Variants in OTOL1 observed in about 807,000 individuals in gnomAD.
The protein encoded by OTOL1 is otolin 1, also known as otolin-1.
In OTOL1, 31 loss-of-function variants were observed where a neutral mutation model predicts 25.0. The observed-to-expected ratio is 1.24, with a 90% CI of 0.93 to 1.67. The LOEUF is 1.67. Ranked by LOEUF, OTOL1 falls within the 40% of genes most tolerant of loss-of-function variation. OTOL1 has a pLI of 0.00. For missense variants in OTOL1, 654 were observed against 587.7 expected, an observed-to-expected ratio of 1.11 and a Z score of -1.17; for synonymous variants, 225 against 210.3, an observed-to-expected ratio of 1.07 and a Z score of -0.61.
chr3:161,498,764 C>T (rs1576945730), intron 1 of OTOL1, among the ~76,000 whole-genome samples: 1 of 152,010 alleles, frequency 6.6e-6, no homozygotes, highest in African/African-American at 2.4e-5. Flanking sequence ...GTATAGGATG[C>T]CTCAGAAATA....
intron 3 of OTOL1, 40 bp downstream of exon 3, chr3:161,502,409 G>C (rs377763520): frequency 6.7e-7 from 1 of 1,497,978 alleles, no homozygotes; most frequent in Non-Finnish European, 9.3e-7. Context: ...AGTCAGGTGC[G>C]CAGTATAGCC....
chr3:161,503,490 C>T lies in OTOL1; in HGVS notation c.982C>T (p.Arg328Trp), dbSNP rs577393901. ...VRGPTGKKGS[R>W]GFKGSKGELA... ...AGGCCCCACTGGGAAGAAGGGCTCT[C>T]GGGGCTTTAAAGGCTCCAAGGGTGA... The change falls in exon 4 of 4, where the codon CGG becomes TGG. Residue 328 changes from arginine (R) to tryptophan (W), a missense_variant. Coordinates refer to ENST00000327928, the MANE Select transcript of OTOL1 (RefSeq NM_001080440.1). 2.1e-4 allele frequency: 343 copies of T among 1,613,418 alleles called. 1 individual carries two copies. The highest frequency in any genetic ancestry group is 1.5e-3 in the South Asian group (137 of 91,026).
intron 3 of OTOL1, 54 bp from the exon 4 acceptor site, chr3:161,502,971 CA>C: frequency 4.1e-6 from 5 of 1,230,986 alleles, no homozygotes; most frequent in Non-Finnish European, 5.2e-6. Context: ...GTGGTAATAG[CA>C]TGCTGTTTAT....
At position 161,503,090 on chromosome 3, in the gene OTOL1, C is replaced by T. The variant is rs375785804; in HGVS notation, c.582C>T (p.Gly194=). The change falls in exon 4 of 4, where the codon GGC becomes GGT. Residue 194 remains glycine (G), a synonymous_variant. Coordinates refer to ENST00000327928, the MANE Select transcript of OTOL1 (RefSeq NM_001080440.1). ...TGGGAGGAGTGAAAGGACAAAAAGG[C>T]TCCAAGGGAGACACATGTGGGAATT... is the stretch of plus-strand genomic sequence containing the variant. ...IGLGGVKGQK[G]SKGDTCGNCT... 17 of 1,414,924 alleles carry T rather than the reference C, an allele frequency of 1.2e-5. No individual in the cohort carries two copies. The African/African-American group carries it at 2.4e-4, about 20-fold the overall frequency. The allele number at this position is 1,414,924 out of a possible 1,614,324, so 87.6% of individuals were successfully genotyped here.
Position 161,503,260 on chromosome 3 carries a change from G to A in OTOL1, c.752G>A (p.Gly251Glu). The A allele has an allele frequency of 7.3e-7, 1 of 1,368,894 alleles. No homozygotes were observed. Among genetic ancestry groups the A allele is most frequent in the Non-Finnish European group, 9.5e-7 (1 of 1,051,382 alleles). The allele number at this position is 1,368,894 out of a possible 1,614,324, so 84.8% of individuals were successfully genotyped here. Residue 251 changes from glycine (G) to glutamate (E), a missense_variant, in exon 4 of 4, where the codon GGA (glycine) becomes GAA (glutamate). Coordinates refer to ENST00000327928, the MANE Select transcript of OTOL1 (RefSeq NM_001080440.1). ...TGCTGTGGAGATTCTGGGGAGAGGG[G>A]AGGAAAAGGACAGAAAGGTGAGGGG... Reference protein sequence around the residue: ...KGCCGDSGERGGKGQKGEGGM... With the variant: ...KGCCGDSGEREGKGQKGEGGM...
chr3:161,503,080 G>T lies in OTOL1; in HGVS notation c.572G>T (p.Gly191Val), dbSNP rs749402140. The T allele has an allele frequency of 3.6e-6, 5 of 1,399,470 alleles. No homozygotes were observed. The highest frequency in any genetic ancestry group is 3.7e-4 in the Middle Eastern group (2 of 5,340). The allele number at this position is 1,399,470 out of a possible 1,614,324, so 86.7% of individuals were successfully genotyped here. A position where few individuals can be genotyped will look rare whatever the true frequency, so the allele number is the denominator to read the frequency against. The change falls in exon 4 of 4, where the codon GGA (glycine) becomes GTA (valine). Residue 191 changes from glycine to valine, a missense_variant. By Grantham distance (109) the Gly-to-Val change is moderately radical. Transcript: ENST00000327928. ...AACATTGGTTTGGGAGGAGTGAAAG[G>T]ACAAAAAGGCTCCAAGGGAGACACA... is the stretch of plus-strand genomic sequence containing the variant. ...KGNIGLGGVK[G>V]QKGSKGDTCG...
Position 161,503,323 on chromosome 3 carries a change from G to T in OTOL1, c.815G>T (p.Gly272Val), listed in dbSNP as rs1488057845. ...GAAAAAGGTAGCAAAGGAGACAGTG[G>T]AATGGAAGGCAAAAGCGGCCGTAAT... is the stretch of plus-strand genomic sequence containing the variant. Reference protein sequence around the residue: ...KGEKGSKGDSGMEGKSGRNGL... With the variant: ...KGEKGSKGDSVMEGKSGRNGL... Residue 272 changes from glycine to valine, a missense_variant, in exon 4 of 4, where the codon GGA (glycine) becomes GTA (valine). By Grantham distance (109) the Gly-to-Val change is moderately radical (BLOSUM62 -3). Transcript: ENST00000327928. 6 of 1,561,598 alleles carry T rather than the reference G, an allele frequency of 3.8e-6. No homozygotes were observed. Among genetic ancestry groups the T allele is most frequent in the South Asian group, 2.4e-5 (2 of 83,222 alleles).
chr3:161,499,409 T>G, intron 2 of OTOL1, 149 bp downstream of exon 2: 1 of 668,760 alleles, frequency 1.5e-6, no homozygotes, highest in Admixed American at 3.2e-5. Flanking sequence ...GATATAAATA[T>G]GTTAACTTTA....
At chr3:161,500,391 A>T (rs1718946750) in intron 2 of OTOL1, among the ~76,000 whole-genome samples, 1 of 152,196 alleles carries the variant, frequency 6.6e-6, no homozygotes, top group Non-Finnish European at 1.5e-5. Context: ...TGGAAGCTAG[A>T]CTTCTGGAAA....
chr3:161,502,080 C>G (rs1039483455), intron 2 of OTOL1, among the ~76,000 whole-genome samples: 9 of 152,176 alleles, frequency 5.9e-5, no homozygotes, highest in Non-Finnish European at 2.9e-5. Context: ...GTTGGCCAGG[C>G]TGGCCTGGAA....
chr3:161,503,242 G>C lies in OTOL1; in HGVS notation c.734G>C (p.Gly245Ala). 1.4e-6 allele frequency: 2 copies of C among 1,455,656 alleles called. No homozygotes were observed. Among genetic ancestry groups the C allele is most frequent in the Non-Finnish European group, 1.8e-6 (2 of 1,103,708 alleles). The allele number at this position is 1,455,656 out of a possible 1,614,324, so 90.2% of individuals were successfully genotyped here. A position where few individuals can be genotyped will look rare whatever the true frequency, so the allele number is the denominator to read the frequency against. Reference sequence around the variant, plus strand: ...GAGATGGGGGATAAGGGCTGCTGTGGAGATTCTGGGGAGAGGGGAGGAAAA... The same window carrying C: ...GAGATGGGGGATAAGGGCTGCTGTGCAGATTCTGGGGAGAGGGGAGGAAAA... ...KGEMGDKGCC[G>A]DSGERGGKGQ... Residue 245 changes from glycine (G) to alanine (A), a missense_variant, in exon 4 of 4, where the codon GGA becomes GCA. Transcript: ENST00000327928.
rs758623632 is a variant in OTOL1 at position 161,503,912 on chromosome 3, C to T, written c.1404C>T (p.Tyr468=). ...DDSIFTGFLL[Y]PEETSGISP The stretch of plus-strand genomic sequence containing the variant: ...GCATTTTTACTGGGTTCCTTTTGTA[C>T]CCAGAGGAAACTTCTGGAATTTCAC... The change falls in exon 4 of 4, where the codon TAC becomes TAT. Residue 468 remains tyrosine (Y), a synonymous_variant. Coordinates refer to ENST00000327928, the MANE Select transcript of OTOL1 (RefSeq NM_001080440.1). The T allele has an allele frequency of 2.4e-5, 39 of 1,612,746 alleles. 1 individual carries two copies. In the South Asian group the frequency reaches 3.4e-4, roughly 14 times the overall value.
rs755202865 is a variant in OTOL1 at position 161,503,431 on chromosome 3, G to T, written c.923G>T (p.Gly308Val). 37 of 1,613,334 alleles carry T rather than the reference G, an allele frequency of 2.3e-5. No individual in the cohort carries two copies. The highest frequency in any genetic ancestry group is 3.1e-5 in the Non-Finnish European group (37 of 1,179,638). The change falls in exon 4 of 4, where the codon GGG (glycine) becomes GTG (valine). Residue 308 changes from glycine to valine, a missense_variant. Transcript: ENST00000327928. ...CCTCCTGGTCTCCTGGGACCTACTG[G>T]GCCGAAGGGTGACATTGGCAACAAA... is the stretch of plus-strand genomic sequence containing the variant. ...LGPPGLLGPT[G>V]PKGDIGNKGV...
At position 161,499,210 on chromosome 3, in the gene OTOL1, C is replaced by T. The variant is rs1252496193; in HGVS notation, c.404C>T (p.Pro135Leu). 4.3e-6 allele frequency: 7 copies of T among 1,611,580 alleles called. No individual in the cohort carries two copies. The South Asian group carries it at 5.5e-5, about 13-fold the overall frequency. ...GCTGGAAATTTGGGGATCCCAGGGC[C>T]ACCAGGAGTTGTTGGGCCCCAAGGC... ...GEAGNLGIPG[P>L]PGVVGPQGPR... The change falls in exon 2 of 4, where the codon CCA becomes CTA. Residue 135 changes from proline to leucine, a missense_variant. Coordinates refer to ENST00000327928, the MANE Select transcript of OTOL1 (RefSeq NM_001080440.1).
chr3:161,501,274 TA>T (rs900461609), intron 2 of OTOL1, among the ~76,000 whole-genome samples: 1 of 151,726 alleles, frequency 6.6e-6, no homozygotes, highest in South Asian at 2.1e-4. Flanking sequence ...CTGGATTAAG[TA>T]AAAAAAAGGT....
intron 3 of OTOL1, 104 bp downstream of exon 3, chr3:161,502,473 A>G (rs971419877): frequency 5.4e-5 from 52 of 964,848 alleles, no homozygotes; most frequent in Non-Finnish European, 4.2e-5. Flanking sequence ...AGCTGAAAAT[A>G]CAAATTACTG....
intron 2 of OTOL1, among the ~76,000 whole-genome samples, chr3:161,500,648 G>A (rs1718953594): frequency 6.6e-6 from 1 of 152,132 alleles, no homozygotes; most frequent in East Asian, 1.9e-4. Flanking sequence ...AAACTCTTTC[G>A]AGGAATTCAA....
Position 161,503,394 on chromosome 3 carries a change from G to T in OTOL1, c.886G>T (p.Gly296Ter). The T allele has an allele frequency of 6.2e-7, 1 of 1,609,994 alleles. No individual in the cohort carries two copies. Among genetic ancestry groups the T allele is most frequent in the Non-Finnish European group, 8.5e-7 (1 of 1,177,970 alleles). The stretch of plus-strand genomic sequence containing the variant: ...TGATCCAGGGATTAAAGGAGAAAAA[G>T]GAGAGTTAGGTCCTCCTGGTCTCCT... ...KGDPGIKGEK[G>*]ELGPPGLLGP... Residue 296 changes from glycine to a stop codon, truncating the protein, a stop_gained, in exon 4 of 4, where the codon GGA becomes TGA. Coordinates refer to ENST00000327928, the MANE Select transcript of OTOL1 (RefSeq NM_001080440.1). LOFTEE classifies it low-confidence loss of function (END_TRUNC).
Position 161,503,682 on chromosome 3 carries a change from T to C in OTOL1, c.1174T>C (p.Tyr392His). The part of the protein sequence containing the change: ...CSIPGTYVFS[Y>H]HITVRGRPAR... ...TATTCCTGGGACATATGTTTTTTCC[T>C]ACCATATTACGGTGAGGGGGCGACC... The change falls in exon 4 of 4, where the codon TAC (tyrosine) becomes CAC (histidine). Residue 392 changes from tyrosine (Y) to histidine (H), a missense_variant. Coordinates refer to ENST00000327928, the MANE Select transcript of OTOL1 (RefSeq NM_001080440.1). 1 of 1,613,684 alleles carries C rather than the reference T, an allele frequency of 6.2e-7. No individual in the cohort carries two copies. The highest frequency in any genetic ancestry group is 8.5e-7 in the Non-Finnish European group (1 of 1,179,772).
Sources: allele counts gnomAD v4.1 joint callset (sites outside exome capture counted in the v4.1 genomes callset), GRCh38; gene constraint gnomAD v4.1.1; transcripts MANE v1.5; gene names NCBI Gene and HGNC (gene_info 2026-07-23, HGNC 2026-07-21).